The following ASIC2 variants were observed in gnomAD, a reference collection of about 807,000 sequenced individuals.
The protein encoded by ASIC2 is acid-sensing ion channel 2.
A neutral mutation model predicts 57.3 loss-of-function variants in ASIC2; 25 were observed. The ratio of observed to expected loss-of-function variants is 0.44; its 90% confidence interval spans 0.32 to 0.61. The LOEUF (loss-of-function observed/expected upper bound fraction) is 0.61, where lower values mean the gene tolerates loss of function less well. Among genes scored for constraint, ASIC2 ranks in the 20% least tolerant of loss-of-function variants. The probability of loss-of-function intolerance (pLI) is 0.06; values close to 1 mark genes in which losing one functional copy is unlikely to be tolerated. For missense variants in ASIC2, 641 were observed against 738.1 expected (o/e 0.87, Z 1.52); for synonymous variants, 319 against 307.5 (o/e 1.04, Z -0.39).
intron 1 of ASIC2, among the ~76,000 whole-genome samples, chr17:33,699,032 G>A (rs916611218): frequency 6.6e-6 from 1 of 152,170 alleles, no homozygotes; most frequent in Admixed American, 6.5e-5. Context: ...GAGAATAGGA[G>A]TTTCCTAAAG....
At position 33,640,010 on chromosome 17, in the gene ASIC2, T is replaced by C. The variant is rs1906505459; in HGVS notation, c.555+515968A>G. On this transcript the variant is annotated intron_variant, in intron 1 of 9. Transcript: ENST00000359872. Reference sequence around the variant, plus strand: ...ACAAGGATTACCAGTGTATGAATATTCCTGAACTCCCTCACCCCTGGGCTT... The same window carrying C: ...ACAAGGATTACCAGTGTATGAATATCCCTGAACTCCCTCACCCCTGGGCTT... 3.3e-5 allele frequency among the ~76,000 whole-genome samples: 5 copies of C among 152,110 alleles called. No homozygotes were observed. In the South Asian group the frequency reaches 1.0e-3, roughly 32 times the overall value.
intron 5 of ASIC2, among the ~76,000 whole-genome samples, chr17:33,025,440 C>A (rs941915911): frequency 4.6e-5 from 7 of 152,148 alleles, no homozygotes; most frequent in African/African-American, 1.7e-4. Context: ...ACCTCTCCAG[C>A]CCTCCTCCAC....
chr17:33,771,068 C>A (rs935726934), intron 1 of ASIC2, among the ~76,000 whole-genome samples: 7 of 152,206 alleles, frequency 4.6e-5, no homozygotes, highest in African/African-American at 1.4e-4. Context: ...GAACTAAGAG[C>A]TCTGTCCTCA....
Position 33,338,336 on chromosome 17 carries a change from T to C in ASIC2, c.556-226269A>G, listed in dbSNP as rs151319162. On this transcript the variant is annotated intron_variant, in intron 1 of 9. Transcript: ENST00000359872. ...TTTCCATTGGCCTCTCATGGAGTAT[T>C]GGGTAAGACAGGGGAGACAGTAGAA... is the stretch of plus-strand genomic sequence containing the variant. Among the ~76,000 whole-genome samples, 94 of 150,466 alleles carry C rather than the reference T, an allele frequency of 6.2e-4. 1 individual carries two copies. The East Asian group carries it at 0.016, about 26-fold the overall frequency.
intron 1 of ASIC2, among the ~76,000 whole-genome samples, chr17:33,644,300 G>A (rs11653827): frequency 0.046 from 6,975 of 152,210 alleles, 187 homozygotes; most frequent in South Asian, 0.12. Context: ...ATTATGATGG[G>A]CTGTTGACTA....
At chr17:33,494,930 G>C (rs1023493388) in intron 1 of ASIC2, among the ~76,000 whole-genome samples, 1 of 152,192 alleles carries the variant, frequency 6.6e-6, no homozygotes, top group Non-Finnish European at 1.5e-5. Flanking sequence ...GACCTGCTGT[G>C]CTCCAGGGTC....
Position 33,687,055 on chromosome 17 carries a change from C to T in ASIC2, c.555+468923G>A, listed in dbSNP as rs1908217731. On this transcript the variant is annotated intron_variant, in intron 1 of 9. Coordinates refer to the ASIC2 transcript ENST00000359872. Reference sequence around the variant, plus strand: ...TCAGTTTTTCTATTGACTGTGTGTCCTTCGATGAGTGGCTTAGCATCTCTG... The same window carrying T: ...TCAGTTTTTCTATTGACTGTGTGTCTTTCGATGAGTGGCTTAGCATCTCTG... 3.9e-5 allele frequency among the ~76,000 whole-genome samples: 6 copies of T among 152,314 alleles called. No individual in the cohort carries two copies. The South Asian group carries it at 1.2e-3, about 32-fold the overall frequency.
At chr17:33,285,235 A>C (rs553813029) in intron 1 of ASIC2, among the ~76,000 whole-genome samples, 9 of 152,322 alleles carry the variant, frequency 5.9e-5, no homozygotes, top group African/African-American at 2.2e-4. Context: ...GATGTTGGTC[A>C]TTTTGGATAT....
intron 1 of ASIC2, among the ~76,000 whole-genome samples, chr17:33,453,915 G>T (rs1383874886): frequency 1.3e-5 from 2 of 152,030 alleles, no homozygotes; most frequent in African/African-American, 4.8e-5. Flanking sequence ...TCTTTCACTC[G>T]AGGTAATTAT....
chr17:34,095,637 A>ATATATATATATATATAATTT lies in ASIC2; in HGVS notation c.555+60340_555+60341insAAATTATATATATATATATA, dbSNP rs1555595826. The stretch of plus-strand genomic sequence containing the variant: ...TATATATATATATATATAATTTTAT[A>ATATATATATATATATAATTT]TATATATATATATATATAATTTTAT... On this transcript the variant is annotated intron_variant, in intron 1 of 9. Transcript: ENST00000359872. Among the ~76,000 whole-genome samples, 267 of 126,646 alleles carry ATATATATATATATATAATTT rather than the reference A, an allele frequency of 2.1e-3. 2 individuals are homozygous for ATATATATATATATATAATTT. The highest frequency in any genetic ancestry group is 8.2e-3 in the African/African-American group (226 of 27,480). The allele number at this position is 126,646 out of a possible 152,430, so 83.1% of individuals were successfully genotyped here.
Position 33,291,794 on chromosome 17 carries a change from A to G in ASIC2, c.322T>C (p.Leu108=). ...GLLLSWSSNR[L]LYWLSFPSHT... ...GACGGGAAGCTGAGCCAGTAGAGCA[A>G]GCGGTTCGAGGACCAGGACAGCAGC... is the stretch of plus-strand genomic sequence containing the variant. The change falls in exon 1 of 10, where the codon TTG becomes CTG. Residue 108 remains leucine (L), a synonymous_variant. Transcript: ENST00000225823. The G allele has an allele frequency of 6.2e-7, 1 of 1,613,686 alleles. No individual in the cohort carries two copies. Among genetic ancestry groups the G allele is most frequent in the Non-Finnish European group, 8.5e-7 (1 of 1,179,866 alleles).
Position 34,140,505 on chromosome 17 carries a change from A to C in ASIC2, c.555+15473T>G, listed in dbSNP as rs544551728. Among the ~76,000 whole-genome samples the C allele has an allele frequency of 2.0e-5, 3 of 152,206 alleles. No homozygotes were observed. In the South Asian group the frequency reaches 6.2e-4, roughly 31 times the overall value. ...GTTCTAAATAGCATTTCCTGTTCAA[A>C]TGAACCAAGATTTGTTAGAGAACTG... On this transcript the variant is annotated intron_variant, in intron 1 of 9. Coordinates refer to the ASIC2 transcript ENST00000359872.
At chr17:33,763,343 A>G (rs770126816) in intron 1 of ASIC2, among the ~76,000 whole-genome samples, 7 of 152,194 alleles carry the variant, frequency 4.6e-5, no homozygotes, top group Non-Finnish European at 8.8e-5. Context: ...CTGTTCACTT[A>G]ATTCAGATCA....
intron 1 of ASIC2, among the ~76,000 whole-genome samples, chr17:33,479,366 A>T (rs911314849): frequency 6.6e-6 from 1 of 151,966 alleles, no homozygotes; most frequent in Non-Finnish European, 1.5e-5. Flanking sequence ...ATTTTTTTTT[A>T]AGAGCCTAAA....
chr17:33,969,655 C>T (rs1048119264), intron 1 of ASIC2, among the ~76,000 whole-genome samples: 6 of 152,112 alleles, frequency 3.9e-5, no homozygotes, highest in Admixed American at 1.3e-4. Context: ...TTGTCTCACC[C>T]GAGGGACGGG....
intron 1 of ASIC2, among the ~76,000 whole-genome samples, chr17:33,439,195 A>G (rs1911738981): frequency 6.6e-6 from 1 of 152,148 alleles, no homozygotes; most frequent in African/African-American, 2.4e-5. Context: ...CTTGTGTGTG[A>G]CTTTCAATTT....
rs1321103409 is a variant in ASIC2 at position 33,293,131 on chromosome 17, C to T, written c.-1016G>A. ...TCGCTGCTCCGCGCGCCCTTCTCCT[C>T]TCGAGACTCCGAGCTCGCGGTGGCC... On this transcript the variant is annotated 5_prime_UTR_variant, in exon 1 of 10. Transcript: ENST00000225823. 5 of 776,524 alleles carry T rather than the reference C, an allele frequency of 6.4e-6. No homozygotes were observed. The highest frequency in any genetic ancestry group is 7.8e-6 in the Non-Finnish European group (5 of 639,566). The allele number at this position is 776,524 out of a possible 1,614,324, so 48.1% of individuals were successfully genotyped here. A position where few individuals can be genotyped will look rare whatever the true frequency, so the allele number is the denominator to read the frequency against.
intron 3 of ASIC2, among the ~76,000 whole-genome samples, chr17:33,067,964 G>A (rs1181585458): frequency 1.3e-5 from 2 of 152,184 alleles, no homozygotes; most frequent in African/African-American, 2.4e-5. Context: ...AAATGTATTT[G>A]CTGCATGGGG....
At chr17:33,210,499 G>A (rs972603467) in intron 1 of ASIC2, among the ~76,000 whole-genome samples, 41 of 152,310 alleles carry the variant, frequency 2.7e-4, no homozygotes, top group African/African-American at 4.6e-4. Context: ...CAGGCTGCCA[G>A]GCTGAGCTAG....
Sources: allele counts gnomAD v4.1 joint callset (sites outside exome capture counted in the v4.1 genomes callset), GRCh38; gene constraint gnomAD v4.1.1; transcripts MANE v1.5; gene names NCBI Gene and HGNC (gene_info 2026-07-23, HGNC 2026-07-21).